The following ITPR2 variants were observed in gnomAD, a reference collection of about 807,000 sequenced individuals.
ITPR2 encodes inositol 1,4,5-trisphosphate-gated calcium channel ITPR2.
ITPR2 carries 207 observed loss-of-function variants against 317.1 expected under a neutral mutation model. That is an observed-to-expected ratio of 0.65 (90% CI 0.58 to 0.73). The LOEUF is 0.73. ITPR2 is among the 30% of genes least tolerant of loss of function. ITPR2 has a pLI of 0.00. For missense variants in ITPR2, 2,613 were observed against 3,284.0 expected, an observed-to-expected ratio of 0.80 and a Z score of 4.99; for synonymous variants, 1,156 against 1,149.1, an observed-to-expected ratio of 1.01 and a Z score of -0.12.
At chr12:26,541,754 T>G (rs1944269021) in intron 37 of ITPR2, among the ~76,000 whole-genome samples, 1 of 152,224 alleles carries the variant, frequency 6.6e-6, no homozygotes, top group Admixed American at 6.5e-5. Flanking sequence ...GGAGTTAAGT[T>G]GCTTGGTATA....
At chr12:26,378,739 T>C (rs1411528413) in intron 55 of ITPR2, among the ~76,000 whole-genome samples, 1 of 152,242 alleles carries the variant, frequency 6.6e-6, no homozygotes, top group Non-Finnish European at 1.5e-5. Flanking sequence ...CAAATTAAAT[T>C]GAAACATCCT....
At chr12:26,667,433 T>C (rs1030346446) in intron 13 of ITPR2, among the ~76,000 whole-genome samples, 1 of 152,234 alleles carries the variant, frequency 6.6e-6, no homozygotes, top group Non-Finnish European at 1.5e-5. Flanking sequence ...TTTTAAATTG[T>C]AACCCAGTCT....
chr12:26,412,720 A>T (rs1197461999), intron 51 of ITPR2, among the ~76,000 whole-genome samples: 1 of 152,172 alleles, frequency 6.6e-6, no homozygotes, highest in Non-Finnish European at 1.5e-5. Flanking sequence ...CATCTAAAGG[A>T]GTCATAGGAC....
At chr12:26,672,828 G>C (rs936051131) in intron 13 of ITPR2, among the ~76,000 whole-genome samples, 3 of 151,824 alleles carry the variant, frequency 2.0e-5, no homozygotes, top group Non-Finnish European at 1.5e-5. Context: ...AAAAAAGAGA[G>C]AAGAATCAAA....
chr12:26,501,270 T>G (rs976364774), intron 37 of ITPR2, among the ~76,000 whole-genome samples: 4 of 152,186 alleles, frequency 2.6e-5, no homozygotes, highest in Non-Finnish European at 5.9e-5. Context: ...TACGTCTGAT[T>G]AGGTATTTTT....
intron 34 of ITPR2, among the ~76,000 whole-genome samples, chr12:26,571,797 G>A (rs1389488305): frequency 6.6e-6 from 1 of 152,190 alleles, no homozygotes; most frequent in Non-Finnish European, 1.5e-5. Flanking sequence ...CTCAGTAAAT[G>A]CTTGCTGCTC....
intron 2 of ITPR2, among the ~76,000 whole-genome samples, chr12:26,738,628 T>C (rs1949172386): frequency 6.6e-6 from 1 of 152,222 alleles, no homozygotes; most frequent in Non-Finnish European, 1.5e-5. Flanking sequence ...TTTTTGTTTT[T>C]TCTTTTTACC....
At chr12:26,641,927 G>A (rs1946999561) in intron 21 of ITPR2, among the ~76,000 whole-genome samples, 1 of 94,932 alleles carries the variant, frequency 1.1e-5, no homozygotes, top group Non-Finnish European at 2.1e-5. Context: ...ACTTATAAAA[G>A]CTTAGAAGGA....
intron 21 of ITPR2, among the ~76,000 whole-genome samples, chr12:26,644,071 A>C (rs770038733): frequency 1.2e-4 from 19 of 152,212 alleles, no homozygotes; most frequent in African/African-American, 1.9e-4. Context: ...TGTCCAAAAC[A>C]ATGGAAGAAT....
intron 32 of ITPR2, among the ~76,000 whole-genome samples, chr12:26,594,357 C>T (rs895950989): frequency 6.6e-6 from 1 of 151,900 alleles, no homozygotes; most frequent in South Asian, 2.1e-4. Context: ...CAAGGGTGCT[C>T]TTACATGTCT....
At chr12:26,769,023 A>ACACACACACC (rs1303105027) in intron 2 of ITPR2, among the ~76,000 whole-genome samples, 1 of 150,520 alleles carries the variant, frequency 6.6e-6, no homozygotes, top group African/African-American at 2.5e-5. Context: ...ACACACACAC[A>ACACACACACC]CACCCCAATC....
rs1937956217 is a variant in ITPR2 at position 26,337,465 on chromosome 12, A to G, written c.*1932T>C. 6.6e-6 allele frequency: 1 copy of G among 152,174 alleles called. No homozygotes were observed. Among genetic ancestry groups the G allele is most frequent in the Non-Finnish European group, 1.5e-5 (1 of 68,026 alleles). The allele number at this position is 152,174 out of a possible 1,614,324, so 9.4% of individuals were successfully genotyped here. ...TATTTTAAAGTGTACTTTTTACCTG[A>G]TACTGTTAATAGCATTGATGATCCT... On this transcript the variant is annotated 3_prime_UTR_variant, in exon 57 of 57. Coordinates refer to ENST00000381340, the MANE Select transcript of ITPR2 (RefSeq NM_002223.4).
intron 15 of ITPR2, among the ~76,000 whole-genome samples, chr12:26,662,283 T>TA (rs1947521138): frequency 6.6e-6 from 1 of 152,216 alleles, no homozygotes; most frequent in Non-Finnish European, 1.5e-5. Flanking sequence ...GTTCCATTCT[T>TA]AAACTATCAC....
intron 55 of ITPR2, among the ~76,000 whole-genome samples, chr12:26,382,086 GC>G (rs1424978332): frequency 6.6e-6 from 1 of 152,032 alleles, no homozygotes; most frequent in African/African-American, 2.4e-5. Flanking sequence ...ATGCTCAAAG[GC>G]CATTATCAGT....
At chr12:26,392,264 C>T (rs1939874882) in intron 54 of ITPR2, among the ~76,000 whole-genome samples, 3 of 152,176 alleles carry the variant, frequency 2.0e-5, no homozygotes, top group African/African-American at 4.8e-5. Context: ...TAATGAAGTC[C>T]TTGTTGACCA....
At chr12:26,355,918 C>T (rs746348951) in intron 55 of ITPR2, among the ~76,000 whole-genome samples, 2 of 152,138 alleles carry the variant, frequency 1.3e-5, no homozygotes, top group Admixed American at 6.5e-5. Flanking sequence ...ACTGAAGAGA[C>T]CTTGCATTCA....
intron 45 of ITPR2, among the ~76,000 whole-genome samples, chr12:26,452,934 C>A (rs909698499): frequency 2.0e-5 from 3 of 152,040 alleles, no homozygotes; most frequent in African/African-American, 7.2e-5. Flanking sequence ...AGAGTAAAAA[C>A]TACTTTAATC....
At chr12:26,563,113 A>G (rs2137032528) in intron 34 of ITPR2, among the ~76,000 whole-genome samples, 1 of 152,368 alleles carries the variant, frequency 6.6e-6, no homozygotes, top group East Asian at 1.9e-4. Context: ...TAGACATAGC[A>G]GTTGGCAGAA....
chr12:26,490,448 C>T (rs77080214), intron 39 of ITPR2, among the ~76,000 whole-genome samples: 2,258 of 152,332 alleles, frequency 0.015, 58 homozygotes, highest in African/African-American at 0.05. Flanking sequence ...ATGAATAAAA[C>T]GTAGTTTCAA....
Sources: allele counts gnomAD v4.1 joint callset (sites outside exome capture counted in the v4.1 genomes callset), GRCh38; gene constraint gnomAD v4.1.1; transcripts MANE v1.5; gene names NCBI Gene and HGNC (gene_info 2026-07-23, HGNC 2026-07-21).